Variants in SLC13A1 observed in about 807,000 individuals in gnomAD.
SLC13A1 encodes Na(+)/sulfate cotransporter.
A neutral mutation model predicts 70.0 loss-of-function variants in SLC13A1; 65 were observed. The observed-to-expected ratio is 0.93, with a 90% CI of 0.76 to 1.14. SLC13A1 has a LOEUF of 1.14. Among genes scored for constraint, SLC13A1 ranks in the 50% most tolerant of loss-of-function variants. SLC13A1 has a pLI of 0.00. For missense variants in SLC13A1, 726 were observed against 717.8 expected (o/e 1.01, Z -0.13); for synonymous variants, 275 against 250.5 (o/e 1.10, Z -0.92).
intron 14 of SLC13A1, 129 bp downstream of exon 14, chr7:123,117,342 A>G: frequency 1.2e-5 from 10 of 859,132 alleles, no homozygotes; most frequent in Non-Finnish European, 1.8e-5. Context: ...TGCACACTGC[A>G]TTCATAAACA....
intron 6 of SLC13A1, among the ~76,000 whole-genome samples, chr7:123,147,893 C>G (rs976378069): frequency 6.6e-6 from 1 of 152,124 alleles, no homozygotes; most frequent in African/African-American, 2.4e-5. Flanking sequence ...CACCACTACT[C>G]CCAAAGCTTT....
intron 6 of SLC13A1, among the ~76,000 whole-genome samples, chr7:123,156,595 T>A (rs1309327900): frequency 6.6e-6 from 1 of 152,154 alleles, no homozygotes; most frequent in Admixed American, 6.6e-5. Flanking sequence ...TAACAGATTA[T>A]GTTATTTAAT....
intron 12 of SLC13A1, among the ~76,000 whole-genome samples, chr7:123,121,335 C>T (rs1793375554): frequency 6.6e-6 from 1 of 152,090 alleles, no homozygotes; most frequent in Admixed American, 6.6e-5. Context: ...TGCCAGTATG[C>T]TATGGATAAC....
chr7:123,198,294 C>CCGGGGTGGGAGTGG (rs757129863), intron 1 of SLC13A1, among the ~76,000 whole-genome samples: 1 of 151,544 alleles, frequency 6.6e-6, no homozygotes, highest in Non-Finnish European at 1.5e-5. Flanking sequence ...TCACAAGGAG[C>CCGGGGTGGGAGTGG]CGGGGTGGGA....
At chr7:123,127,181 T>G (rs1266471718) in intron 10 of SLC13A1, among the ~76,000 whole-genome samples, 2 of 152,132 alleles carry the variant, frequency 1.3e-5, no homozygotes, top group African/African-American at 4.8e-5. Context: ...GTTTGCCAAT[T>G]AGATTTATAT....
chr7:123,134,279 T>C (rs1793873570), intron 8 of SLC13A1, 131 bp downstream of exon 8: 8 of 711,424 alleles, frequency 1.1e-5, no homozygotes, highest in Non-Finnish European at 1.8e-5. Context: ...TTTGTGTGTA[T>C]TAATTTTGTG....
intron 9 of SLC13A1, among the ~76,000 whole-genome samples, 158 bp downstream of exon 9, chr7:123,129,225 T>A (rs1012906250): frequency 6.6e-6 from 1 of 152,052 alleles, no homozygotes; most frequent in African/African-American, 2.4e-5. Flanking sequence ...CTTAGCAAAT[T>A]TGGGGCCCTA....
chr7:123,119,892 C>T (rs1034961337), intron 12 of SLC13A1, among the ~76,000 whole-genome samples: 1 of 151,956 alleles, frequency 6.6e-6, no homozygotes, highest in Non-Finnish European at 1.5e-5. Context: ...TTCATAGCTA[C>T]ACCACTTAGC....
chr7:123,145,821 A>G (rs1794330671), intron 7 of SLC13A1, among the ~76,000 whole-genome samples: 1 of 152,176 alleles, frequency 6.6e-6, no homozygotes, highest in African/African-American at 2.4e-5. Context: ...TCTTTCTAGA[A>G]TGGAGATTGA....
chr7:123,148,808 C>A lies in SLC13A1; in HGVS notation c.661-1498G>T, dbSNP rs1434874604. Among the ~76,000 whole-genome samples the A allele has an allele frequency of 2.0e-5, 3 of 152,086 alleles. No individual in the cohort carries two copies. The East Asian group carries it at 5.8e-4, about 29-fold the overall frequency. ...GTGAGTTTGACTTTCTCTTTCTCTC[C>A]TAGTTCCAATTCTTCTCACCACTTG... On this transcript the variant is annotated intron_variant, in intron 6 of 14. Coordinates refer to ENST00000194130, the MANE Select transcript of SLC13A1 (RefSeq NM_022444.4).
chr7:123,133,110 G>A (rs778246038), intron 8 of SLC13A1, among the ~76,000 whole-genome samples: 1 of 152,042 alleles, frequency 6.6e-6, no homozygotes, highest in Non-Finnish European at 1.5e-5. Context: ...AGCCTTGGAA[G>A]GGATCTTACT....
intron 6 of SLC13A1, among the ~76,000 whole-genome samples, chr7:123,157,963 C>A (rs1484305287): frequency 6.6e-6 from 1 of 151,944 alleles, no homozygotes; most frequent in Admixed American, 6.6e-5. Flanking sequence ...AAATTCCTAA[C>A]CATGAGCATT....
chr7:123,134,441 T>G lies in SLC13A1; in HGVS notation c.901A>C (p.Ile301Leu). ...CCTAGGAAAAGCCACTGAAGCCAGATCCAGGATAAGAGTAGAATGATAAGG... is the reference window on the plus strand; with the variant it reads ...CCTAGGAAAAGCCACTGAAGCCAGAGCCAGGATAAGAGTAGAATGATAAGG... Reference protein sequence around the residue: ...AALIILLLSWIWLQWLFLGFN... With the variant: ...AALIILLLSWLWLQWLFLGFN... Residue 301 changes from isoleucine (I) to leucine (L), a missense_variant, in exon 8 of 15, where the codon ATC becomes CTC. Coordinates refer to ENST00000194130, the MANE Select transcript of SLC13A1 (RefSeq NM_022444.4). 1 of 1,613,304 alleles carries G rather than the reference T, an allele frequency of 6.2e-7. No individual in the cohort carries two copies. Among genetic ancestry groups the G allele is most frequent in the Non-Finnish European group, 8.5e-7 (1 of 1,179,506 alleles).
intron 6 of SLC13A1, among the ~76,000 whole-genome samples, chr7:123,150,371 A>G (rs1480771233): frequency 2.0e-5 from 3 of 152,064 alleles, no homozygotes; most frequent in Admixed American, 2.0e-4. Flanking sequence ...TTCTCCTCCA[A>G]CTTCTTGTTT....
chr7:123,186,975 AG>A (rs982613941), intron 1 of SLC13A1, among the ~76,000 whole-genome samples: 1 of 151,572 alleles, frequency 6.6e-6, no homozygotes. Context: ...AAGAGAAAAG[AG>A]GGGAAAAAAA....
Position 123,171,849 on chromosome 7 carries a change from A to C in SLC13A1, c.284T>G (p.Leu95Ter). The C allele has an allele frequency of 6.2e-7, 1 of 1,613,568 alleles. No homozygotes were observed. The highest frequency in any genetic ancestry group is 8.5e-7 in the Non-Finnish European group (1 of 1,179,566). ...FHLLLIGVICLATSIEKWNLH... is the reference protein window; with the variant it reads ...FHLLLIGVIC Reference sequence around the variant, plus strand: ...ATTCCATTTTTCTATGGATGTTGCTAAACAGATAACTCCAATTAGCAGTAA... The same window carrying C: ...ATTCCATTTTTCTATGGATGTTGCTCAACAGATAACTCCAATTAGCAGTAA... Residue 95 changes from leucine (L) to a stop codon, truncating the protein, a stop_gained, in exon 3 of 15, where the codon TTA (leucine) becomes TGA (stop). Transcript: ENST00000194130. LOFTEE classifies it high-confidence loss of function.
At chr7:123,129,623 A>C (rs1793688230) in intron 8 of SLC13A1, 142 bp from the exon 9 acceptor site, 2 of 618,914 alleles carry the variant, frequency 3.2e-6, no homozygotes, top group South Asian at 3.8e-5. Context: ...TTAATAACAG[A>C]TATCTGTGCT....
chr7:123,145,036 A>G (rs965805771), intron 7 of SLC13A1, among the ~76,000 whole-genome samples: 2 of 152,144 alleles, frequency 1.3e-5, no homozygotes, highest in East Asian at 3.8e-4. Context: ...GTGTGTGTGT[A>G]CTTCCAGAGG....
chr7:123,198,356 C>G (rs569111134), intron 1 of SLC13A1, among the ~76,000 whole-genome samples: 5 of 151,950 alleles, frequency 3.3e-5, no homozygotes, highest in African/African-American at 4.8e-5. Context: ...AAAAACAAAA[C>G]CAACAAAGCC....
Sources: gnomAD v4.1 joint callset for allele counts (sites outside exome capture counted in the v4.1 genomes callset) on GRCh38, gnomAD v4.1.1 for gene constraint, MANE v1.5 for transcripts, NCBI Gene and HGNC (gene_info 2026-07-23, HGNC 2026-07-21) for gene names.